Variants in NME7 observed in about 807,000 individuals in gnomAD.
The protein encoded by NME7 is NME/NM23 family member 7, also known as nucleoside diphosphate kinase 7.
In NME7, 41 loss-of-function variants were observed where a neutral mutation model predicts 49.1. The observed-to-expected ratio is 0.83, with a 90% CI of 0.65 to 1.08. The LOEUF (loss-of-function observed/expected upper bound fraction) is 1.08, where lower values mean the gene tolerates loss of function less well. NME7 is among the 50% of genes least tolerant of loss of function. The pLI, the probability that NME7 is intolerant of heterozygous loss-of-function variation, is 0.00. For missense variants in NME7, 423 were observed against 463.4 expected (o/e 0.91, Z 0.80); for synonymous variants, 139 against 150.6 (o/e 0.92, Z 0.56).
chr1:169,342,922 TA>T (rs1652816284), intron 1 of NME7, among the ~76,000 whole-genome samples: 1 of 114,814 alleles, frequency 8.7e-6, no homozygotes, highest in Non-Finnish European at 1.7e-5. Context: ...TGTATATATA[TA>T]TATACAAGTA....
At chr1:169,334,869 GA>G (rs1178245644) in intron 1 of NME7, among the ~76,000 whole-genome samples, 2 of 151,810 alleles carry the variant, frequency 1.3e-5, no homozygotes, top group East Asian at 1.9e-4. Flanking sequence ...ATATTTATAA[GA>G]AAAAAACAAA....
intron 1 of NME7, among the ~76,000 whole-genome samples, chr1:169,342,878 G>GTATATA (rs1179944183): frequency 1.3e-5 from 1 of 74,564 alleles, no homozygotes; most frequent in Non-Finnish European, 2.9e-5. Context: ...CATATATATA[G>GTATATA]TATATATACA....
intron 7 of NME7, among the ~76,000 whole-genome samples, chr1:169,266,365 C>CATACCTCAAT (rs1427462282): frequency 7.6e-6 from 1 of 130,902 alleles, no homozygotes; most frequent in African/African-American, 2.6e-5. Flanking sequence ...ACAGGAACCA[C>CATACCTCAAT]AGATGCAGAA....
Position 169,262,539 on chromosome 1 carries a change from G to A in NME7, c.754+24764C>T, listed in dbSNP as rs867022091. ...AGAAAACAAAAGTGCTAGTGAACAC[G>A]GGTTCTGCAGGCTGATCATCTGAGA... On this transcript the variant is annotated intron_variant, in intron 7 of 11. Coordinates refer to ENST00000367811, the MANE Select transcript of NME7 (RefSeq NM_013330.5). Among the ~76,000 whole-genome samples, 15 of 133,658 alleles carry A rather than the reference G, an allele frequency of 1.1e-4. 2 individuals carry two copies. The Middle Eastern group carries it at 0.019, about 171-fold the overall frequency. 87.7% of individuals were successfully genotyped at this position (133,658 alleles called of 152,430 possible). A position where few individuals can be genotyped will look rare whatever the true frequency, so the allele number is the denominator to read the frequency against.
chr1:169,306,559 G>C (rs957576153), intron 4 of NME7, among the ~76,000 whole-genome samples: 2 of 152,166 alleles, frequency 1.3e-5, no homozygotes, highest in African/African-American at 4.8e-5. Context: ...ATATCAGGTA[G>C]GTATGAGGAA....
At chr1:169,315,111 A>G (rs191614794) in intron 3 of NME7, among the ~76,000 whole-genome samples, 2 of 152,236 alleles carry the variant, frequency 1.3e-5, no homozygotes, top group Admixed American at 1.3e-4. Context: ...TTTTAATAAA[A>G]CCTTGGCAAT....
chr1:169,169,456 G>A lies in NME7; in HGVS notation c.1089C>T (p.Gly363=), dbSNP rs761575803. ...AVHCTDLPED[G]LLEVQYFFKI... ...ACCTTCTTTATCTTACCTCTAATAG[G>A]CCATCCTCTGGCAGATCAGTACAGT... Residue 363 remains glycine, a synonymous_variant, in exon 11 of 12, where the codon GGC becomes GGT. Coordinates refer to ENST00000367811, the MANE Select transcript of NME7 (RefSeq NM_013330.5). The A allele has an allele frequency of 4.3e-6, 7 of 1,611,958 alleles. No individual in the cohort carries two copies. In the Admixed American group the frequency reaches 1.2e-4, roughly 27 times the overall value.
At chr1:169,163,970 C>T (rs1005382770) in intron 11 of NME7, among the ~76,000 whole-genome samples, 10 of 151,920 alleles carry the variant, frequency 6.6e-5, no homozygotes, top group African/African-American at 2.2e-4. Context: ...ATTAGCTGGG[C>T]GTGGTGGCAT....
At chr1:169,223,936 G>A (rs1661223753) in intron 10 of NME7, among the ~76,000 whole-genome samples, 1 of 152,078 alleles carries the variant, frequency 6.6e-6, no homozygotes, top group African/African-American at 2.4e-5. Flanking sequence ...GTTCATTGCA[G>A]TTTTCTCATT....
rs1351413582 is a variant in NME7, at chr1:169,257,228, T to C, written c.755-19541A>G. Among the ~76,000 whole-genome samples the C allele has an allele frequency of 2.2e-5, 3 of 134,374 alleles. 1 individual carries two copies. The highest frequency in any genetic ancestry group is 5.3e-5 in the Non-Finnish European group (3 of 56,998). 88.2% of individuals were successfully genotyped at this position (134,374 alleles called of 152,430 possible). A position where few individuals can be genotyped will look rare whatever the true frequency, so the allele number is the denominator to read the frequency against. Reference sequence around the variant, plus strand: ...GGCAATCGGCGAGACTCCGTGGGCATAGGACCCTCCAAGCCAGGTGCGGGA... The same window carrying C: ...GGCAATCGGCGAGACTCCGTGGGCACAGGACCCTCCAAGCCAGGTGCGGGA... On this transcript the variant is annotated intron_variant, in intron 7 of 11. Transcript: ENST00000367811.
At chr1:169,247,174 C>G (rs2040445) in intron 7 of NME7, 436,075 of 445,770 alleles carry the variant, frequency 0.98, 213,349 homozygotes, top group East Asian at 1. Context: ...AAATAAAGTA[C>G]GGTACTGAGT....
Position 169,298,679 on chromosome 1 carries a change from C to T in NME7, c.525G>A (p.Leu175=), listed in dbSNP as rs1014495454. ...RDDAICEWKR[L]LGPANSGVAR... is the part of the protein sequence containing the mutation. ...CCACTCCAGAGTTTGCAGGTCCCAG[C>T]AGTCTTTTCCATTCACATATAGCAT... The change falls in exon 6 of 12, where the codon CTG becomes CTA. Residue 175 remains leucine, a synonymous_variant. Transcript: ENST00000367811. 2 of 1,613,814 alleles carry T rather than the reference C, an allele frequency of 1.2e-6. No homozygotes were observed. Among genetic ancestry groups the T allele is most frequent in the African/African-American group, 2.7e-5 (2 of 74,902 alleles).
intron 7 of NME7, among the ~76,000 whole-genome samples, chr1:169,240,366 T>C (rs1398407880): frequency 1.3e-5 from 2 of 152,036 alleles, no homozygotes; most frequent in East Asian, 3.8e-4. Context: ...AAAAGGCAGC[T>C]GGACTCTCAC....
chr1:169,277,176 G>T (rs2101882270), intron 7 of NME7, among the ~76,000 whole-genome samples: 1 of 149,918 alleles, frequency 6.7e-6, no homozygotes, highest in East Asian at 2.0e-4. Flanking sequence ...GATTTGGGGT[G>T]GAGAGTTCTG....
chr1:169,210,133 T>C (rs1328995595), intron 10 of NME7, among the ~76,000 whole-genome samples: 1 of 152,056 alleles, frequency 6.6e-6, no homozygotes, highest in African/African-American at 2.4e-5. Flanking sequence ...TTTAGTCAAA[T>C]AAAACTGAGT....
chr1:169,226,461 C>T (rs975606285), intron 10 of NME7, among the ~76,000 whole-genome samples: 2 of 152,124 alleles, frequency 1.3e-5, no homozygotes, highest in African/African-American at 4.8e-5. Context: ...TTTTGAAATT[C>T]TGAGACCAAA....
chr1:169,342,652 G>A (rs1160955095), intron 1 of NME7, among the ~76,000 whole-genome samples: 4 of 35,932 alleles, frequency 1.1e-4, no homozygotes, highest in Non-Finnish European at 1.5e-4. Context: ...ATATATACAA[G>A]TACATATATA....
intron 1 of NME7, among the ~76,000 whole-genome samples, chr1:169,335,707 T>A (rs12744362): frequency 0.24 from 35,225 of 146,450 alleles, 5,244 homozygotes; most frequent in Non-Finnish European, 0.34. Context: ...GTTTATATAT[T>A]TTATATATAT....
At chr1:169,300,405 G>A (rs764496575) in intron 5 of NME7, among the ~76,000 whole-genome samples, 12 of 152,064 alleles carry the variant, frequency 7.9e-5, no homozygotes, top group South Asian at 2.1e-4. Context: ...ACTACTCAGT[G>A]CAGGATATCA....
Sources: gnomAD v4.1 joint callset for allele counts (sites outside exome capture counted in the v4.1 genomes callset) on GRCh38, gnomAD v4.1.1 for gene constraint, MANE v1.5 for transcripts, NCBI Gene and HGNC (gene_info 2026-07-23, HGNC 2026-07-21) for gene names.